The following CAMK1D variants were observed in gnomAD, a reference collection of about 807,000 sequenced individuals.
CAMK1D encodes calcium/calmodulin dependent protein kinase ID.
In CAMK1D, 9 loss-of-function variants were observed where a neutral mutation model predicts 47.7. That is an observed-to-expected ratio of 0.19 (90% confidence interval 0.11 to 0.33). The LOEUF (loss-of-function observed/expected upper bound fraction) is 0.33, where lower values mean the gene tolerates loss of function less well. CAMK1D is among the 10% of genes least tolerant of loss of function. The probability of loss-of-function intolerance (pLI) is 1.00; values close to 1 mark genes in which losing one functional copy is unlikely to be tolerated. For synonymous variants in CAMK1D, 184 were observed against 184.9 expected, an observed-to-expected ratio of 0.99 and a Z score of 0.04; for missense variants, 291 against 488.7, an observed-to-expected ratio of 0.60 and a Z score of 3.81.
chr10:12,735,796 T>TTA, intron 3 of CAMK1D, among the ~76,000 whole-genome samples: 1 of 150,780 alleles, frequency 6.6e-6, no homozygotes, highest in South Asian at 2.1e-4. Flanking sequence ...TTTTTTTTTT[T>TTA]AAGAAATAAG....
chr10:12,462,371 A>G (rs553040319), intron 1 of CAMK1D, among the ~76,000 whole-genome samples: 7 of 151,970 alleles, frequency 4.6e-5, no homozygotes, highest in Admixed American at 1.3e-4. Context: ...TCACCATGTT[A>G]GCCAGGATGG....
chr10:12,616,202 A>C (rs941256309), intron 2 of CAMK1D, among the ~76,000 whole-genome samples: 2 of 152,160 alleles, frequency 1.3e-5, no homozygotes, highest in Non-Finnish European at 2.9e-5. Flanking sequence ...ATGTGTGTTT[A>C]AAATATGGCT....
At chr10:12,663,327 C>A (rs1461481021) in intron 2 of CAMK1D, among the ~76,000 whole-genome samples, 2 of 152,130 alleles carry the variant, frequency 1.3e-5, no homozygotes, top group Non-Finnish European at 2.9e-5. Flanking sequence ...ATTTCCAGAT[C>A]TGAATGCTAG....
intron 2 of CAMK1D, among the ~76,000 whole-genome samples, chr10:12,620,219 TAAAG>T (rs1222940733): frequency 1.1e-4 from 10 of 87,532 alleles, no homozygotes; most frequent in African/African-American, 2.7e-4. Context: ...AAAAAAAAAA[TAAAG>T]CTGCTATAAA....
intron 1 of CAMK1D, among the ~76,000 whole-genome samples, chr10:12,547,188 G>A (rs1435018151): frequency 6.6e-6 from 1 of 152,218 alleles, no homozygotes; most frequent in Admixed American, 6.5e-5. Context: ...GTAGAACCAA[G>A]AAGCAAAGAA....
chr10:12,546,013 G>T (rs1055207002), intron 1 of CAMK1D, among the ~76,000 whole-genome samples: 3 of 152,180 alleles, frequency 2.0e-5, no homozygotes, highest in Non-Finnish European at 2.9e-5. Flanking sequence ...AGTGGCTGTA[G>T]TGACAGATGA....
rs75957463 is a variant in CAMK1D at position 12,550,156 on chromosome 10, C to T, written c.93-3069C>T. Among the ~76,000 whole-genome samples, 56 of 152,306 alleles carry T rather than the reference C, an allele frequency of 3.7e-4. 1 individual carries two copies. The East Asian group carries it at 8.7e-3, about 24-fold the overall frequency. On this transcript the variant is annotated intron_variant, in intron 1 of 10. Transcript: ENST00000619168. ...GGTCACTGCTGCCAAAGGGCTTTTCCGCCTTCTGGAAGATGGACTTAGTAA... is the reference window on the plus strand; with the variant it reads ...GGTCACTGCTGCCAAAGGGCTTTTCTGCCTTCTGGAAGATGGACTTAGTAA...
intron 3 of CAMK1D, among the ~76,000 whole-genome samples, chr10:12,752,035 G>A (rs1836013348): frequency 6.6e-6 from 1 of 151,400 alleles, no homozygotes; most frequent in South Asian, 2.1e-4. Context: ...GGGCCGGAGT[G>A]CAATGGCGCA....
chr10:12,563,408 T>G (rs954499178), intron 2 of CAMK1D, among the ~76,000 whole-genome samples: 2 of 152,218 alleles, frequency 1.3e-5, no homozygotes, highest in Non-Finnish European at 2.9e-5. Flanking sequence ...TTTCTTCTAT[T>G]CTGGCTCTCA....
intron 1 of CAMK1D, among the ~76,000 whole-genome samples, chr10:12,363,507 G>A (rs539012089): frequency 2.2e-4 from 33 of 152,026 alleles, no homozygotes; most frequent in Middle Eastern, 3.4e-3. Context: ...TGCCCTCTTC[G>A]GCCTCCTCTC....
intron 5 of CAMK1D, among the ~76,000 whole-genome samples, chr10:12,790,034 G>A (rs1201859773): frequency 1.3e-5 from 2 of 152,378 alleles, no homozygotes; most frequent in African/African-American, 4.8e-5. Flanking sequence ...GATGGCCACA[G>A]GCCAGGAACA....
intron 1 of CAMK1D, among the ~76,000 whole-genome samples, chr10:12,539,437 G>A (rs1836091622): frequency 6.6e-6 from 1 of 152,186 alleles, no homozygotes; most frequent in Non-Finnish European, 1.5e-5. Flanking sequence ...GGCCAGATGA[G>A]GGATGGCCAG....
At chr10:12,824,422 C>T in intron 8 of CAMK1D, 43 bp from the exon 9 acceptor site, 1 of 1,542,478 alleles carries the variant, frequency 6.5e-7, no homozygotes, top group Non-Finnish European at 9.0e-7. Flanking sequence ...GTGTCAGGGC[C>T]CAGAAGAAGC....
intron 2 of CAMK1D, among the ~76,000 whole-genome samples, chr10:12,610,120 A>C (rs189612155): frequency 6.6e-6 from 1 of 152,138 alleles, no homozygotes; most frequent in Admixed American, 6.5e-5. Context: ...AAGACTTTCT[A>C]TGTGACTAAT....
At chr10:12,582,759 G>A (rs945765867) in intron 2 of CAMK1D, among the ~76,000 whole-genome samples, 1 of 152,104 alleles carries the variant, frequency 6.6e-6, no homozygotes, top group African/African-American at 2.4e-5. Flanking sequence ...TATCAGAAGT[G>A]TGCTTTTTAA....
At chr10:12,713,329 G>A (rs1440448890) in intron 3 of CAMK1D, among the ~76,000 whole-genome samples, 5 of 152,186 alleles carry the variant, frequency 3.3e-5, no homozygotes, top group Non-Finnish European at 1.5e-5. Context: ...GATGCCTTTA[G>A]TTTATCTAAG....
In CAMK1D at chr10:12,751,351, T is replaced by G. The variant is rs149265351; in HGVS notation, c.300-9597T>G. Among the ~76,000 whole-genome samples the G allele has an allele frequency of 6.5e-4, 99 of 152,290 alleles. No homozygotes were observed. In the East Asian group the frequency reaches 0.019, roughly 29 times the overall value. On this transcript the variant is annotated intron_variant, in intron 3 of 10. Coordinates refer to ENST00000619168, the MANE Select transcript of CAMK1D (RefSeq NM_153498.4). The stretch of plus-strand genomic sequence containing the variant: ...CTCACTGCAGCCTCCAACTCCTGCC[T>G]CAAATGATCCTTCCATCTCAGCCTC...
At chr10:12,734,969 T>C (rs2130825799) in intron 3 of CAMK1D, among the ~76,000 whole-genome samples, 1 of 152,334 alleles carries the variant, frequency 6.6e-6, no homozygotes, top group African/African-American at 2.4e-5. Context: ...GGTAAATACT[T>C]ACTTGTTTCA....
chr10:12,819,649 C>G (rs949718778), intron 8 of CAMK1D, among the ~76,000 whole-genome samples: 1 of 152,246 alleles, frequency 6.6e-6, no homozygotes, highest in Non-Finnish European at 1.5e-5. Context: ...TAATTGATGA[C>G]TCTACCAAGG....
Sources: allele counts gnomAD v4.1 joint callset (sites outside exome capture counted in the v4.1 genomes callset), GRCh38; gene constraint gnomAD v4.1.1; transcripts MANE v1.5; gene names NCBI Gene and HGNC (gene_info 2026-07-23, HGNC 2026-07-21).